Variants in GNB1L observed in about 807,000 individuals in gnomAD.
The protein encoded by GNB1L is guanine nucleotide-binding protein subunit beta-like protein 1.
GNB1L carries 20 observed loss-of-function variants against 29.1 expected under a neutral mutation model. That is an observed-to-expected ratio of 0.69 (90% CI 0.48 to 1.00). GNB1L has a LOEUF of 1.00. Ranked by LOEUF, GNB1L falls within the 50% of genes least tolerant of loss-of-function variation. The pLI is 0.00. For missense variants in GNB1L, 421 were observed against 464.9 expected (o/e 0.91, Z 0.87); for synonymous variants, 193 against 206.5 (o/e 0.93, Z 0.56).
rs1232323948 is a variant in GNB1L at position 19,784,136 on chromosome 22, T to C, written c.*4573A>G. 1.3e-5 allele frequency: 2 copies of C among 152,246 alleles called. No individual in the cohort carries two copies. The highest frequency in any genetic ancestry group is 3.8e-4 in the East Asian group (2 of 5,196). 9.4% of individuals were successfully genotyped at this position (152,246 alleles called of 1,614,324 possible). ...GATTTCACATGAAGTTCTAGCTAAT[T>C]GAGTATAAGCATTTCTAAAGAACCC... On this transcript the variant is annotated 3_prime_UTR_variant, in exon 8 of 8. Transcript: ENST00000329517.
intron 7 of GNB1L, among the ~76,000 whole-genome samples, chr22:19,800,984 C>T (rs997734208): frequency 3.9e-5 from 6 of 152,194 alleles, no homozygotes; most frequent in African/African-American, 1.4e-4. Context: ...GCTGGGGCTG[C>T]GGGCAAGTCT....
intron 2 of GNB1L, among the ~76,000 whole-genome samples, chr22:19,854,208 A>G (rs1190430122): frequency 6.6e-6 from 1 of 152,058 alleles, no homozygotes; most frequent in Non-Finnish European, 1.5e-5. Flanking sequence ...GGACAGCACT[A>G]TCCTAAAGGG....
intron 5 of GNB1L, among the ~76,000 whole-genome samples, chr22:19,811,895 G>A (rs1281318940): frequency 5.3e-5 from 8 of 152,064 alleles, no homozygotes; most frequent in Admixed American, 2.6e-4. Flanking sequence ...GCCCCGGAGC[G>A]TTCCTCCCAC....
intron 7 of GNB1L, among the ~76,000 whole-genome samples, chr22:19,800,294 G>GCCAGGAGGGCAGGA (rs1937354786): frequency 6.6e-6 from 1 of 152,214 alleles, no homozygotes; most frequent in Admixed American, 6.5e-5. Context: ...GCCCCTTCCT[G>GCCAGGAGGGCAGGA]GGGTCCTGGG....
Position 19,788,189 on chromosome 22 carries a change from A to G in GNB1L, c.*520T>C. 1 of 224,464 alleles carries G rather than the reference A, an allele frequency of 4.5e-6. No individual in the cohort carries two copies. Among genetic ancestry groups the G allele is most frequent in the Non-Finnish European group, 8.8e-6 (1 of 113,876 alleles). The allele number at this position is 224,464 out of a possible 1,614,324, so 13.9% of individuals were successfully genotyped here. A position where few individuals can be genotyped will look rare whatever the true frequency, so the allele number is the denominator to read the frequency against. The stretch of plus-strand genomic sequence containing the variant: ...TCCTGGCCTCAACCTGTGTGTTGGG[A>G]GCTCCTGGCCTCCTCGGGGTGAGGG... On this transcript the variant is annotated 3_prime_UTR_variant, in exon 8 of 8. Transcript: ENST00000329517.
At chr22:19,849,045 T>TCATCGGA in intron 2 of GNB1L, 3 of 985,330 alleles carry the variant, frequency 3.0e-6, no homozygotes, top group Non-Finnish European at 3.6e-6. Context: ...GGGGCCTGAG[T>TCATCGGA]CATCGGACGG....
chr22:19,822,144 G>A (rs899949861), intron 2 of GNB1L, among the ~76,000 whole-genome samples: 2 of 152,152 alleles, frequency 1.3e-5, no homozygotes, highest in African/African-American at 2.4e-5. Context: ...CCTATAAGGC[G>A]GCAGCACCCT....
chr22:19,805,383 A>G (rs1937421556), intron 6 of GNB1L, among the ~76,000 whole-genome samples: 1 of 152,236 alleles, frequency 6.6e-6, no homozygotes, highest in African/African-American at 2.4e-5. Flanking sequence ...CAAACTGCAC[A>G]GGCCCATCCG....
chr22:19,789,015 G>A (rs1427062019), intron 7 of GNB1L, 55 bp from the exon 8 acceptor site: 12 of 1,523,672 alleles, frequency 7.9e-6, no homozygotes. Context: ...AGGCAGTGCT[G>A]CCCCTGGTGC....
At chr22:19,820,403 G>T (rs2032494864) in intron 4 of GNB1L, among the ~76,000 whole-genome samples, 195 bp downstream of exon 4, 1 of 152,224 alleles carries the variant, frequency 6.6e-6, no homozygotes, top group Admixed American at 6.5e-5. Flanking sequence ...TGGTGGAGAT[G>T]CAGAGGCAGA....
chr22:19,849,384 T>TG (rs201071347), intron 2 of GNB1L: 100,303 of 819,356 alleles, frequency 0.12, 3,100 homozygotes, highest in Middle Eastern at 0.15. Context: ...TTTTTTTTTT[T>TG]TGGGATGGAG....
chr22:19,811,552 CCCTCCCTTGGCAGA>C (rs1477005390), intron 5 of GNB1L, among the ~76,000 whole-genome samples: 1 of 152,166 alleles, frequency 6.6e-6, no homozygotes, highest in African/African-American at 2.4e-5. Context: ...TCTTGGGCAC[CCCTCCCTTGGCAGA>C]CCCTGCCTCC....
chr22:19,799,650 G>A (rs530437308), intron 7 of GNB1L, among the ~76,000 whole-genome samples: 14 of 152,362 alleles, frequency 9.2e-5, no homozygotes, highest in Admixed American at 2.0e-4. Flanking sequence ...CAGAGGCTTC[G>A]GCAGGAGGGT....
intron 2 of GNB1L, chr22:19,847,910 C>A (rs990642077): frequency 3.2e-5 from 31 of 982,684 alleles, no homozygotes; most frequent in Non-Finnish European, 9.7e-6. Context: ...AAGAGTGAGG[C>A]ACATACATGG....
chr22:19,810,716 G>A (rs1221683739), intron 5 of GNB1L, among the ~76,000 whole-genome samples: 1 of 152,188 alleles, frequency 6.6e-6, no homozygotes, highest in Non-Finnish European at 1.5e-5. Context: ...GGGTGGGAGT[G>A]CGGCTCCCTG....
chr22:19,820,757 G>A (rs776308828), intron 3 of GNB1L, 34 bp from the exon 4 acceptor site: 29 of 1,593,472 alleles, frequency 1.8e-5, no homozygotes, highest in Non-Finnish European at 2.5e-5. Context: ...GTGTCAGGGG[G>A]CAGAAGGGTG....
Position 19,816,916 on chromosome 22 carries a change from C to T in GNB1L, c.254+3682G>A, listed in dbSNP as rs1404278487. Among the ~76,000 whole-genome samples the T allele has an allele frequency of 3.9e-5, 6 of 152,202 alleles. No homozygotes were observed. Among genetic ancestry groups the T allele is most frequent in the Non-Finnish European group, 8.8e-5 (6 of 68,046 alleles). ...CAACCCTGCTTCTTTGACTGCCTGG[C>T]ACCCCCTTCCCACCCCATCCAAGGG... On this transcript the variant is annotated intron_variant, in intron 4 of 7. Transcript: ENST00000329517. This position sits in a 1 kb window ranked among gnomAD's most constrained non-coding sequence, Gnocchi z 4.4.
chr22:19,854,354 G>GT (rs1938185374), intron 2 of GNB1L, 89 bp downstream of exon 2: 1 of 152,800 alleles, frequency 6.5e-6, no homozygotes, highest in Non-Finnish European at 1.5e-5. Flanking sequence ...AGCAAGCTGA[G>GT]TGCAGACGAC....
chr22:19,788,128 C>T lies in GNB1L; in HGVS notation c.*581G>A, dbSNP rs1381862954. 5 of 170,574 alleles carry T rather than the reference C, an allele frequency of 2.9e-5. No homozygotes were observed. The highest frequency in any genetic ancestry group is 1.7e-4 in the Admixed American group (3 of 17,374). The allele number at this position is 170,574 out of a possible 1,614,324, so 10.6% of individuals were successfully genotyped here. ...CCCTCACAGGCACCTTTCTCTGCTT[C>T]ACTCTTTAGGGAGTTCAGTTACTTC... On this transcript the variant is annotated 3_prime_UTR_variant, in exon 8 of 8. Coordinates refer to ENST00000329517, the MANE Select transcript of GNB1L (RefSeq NM_053004.3).
Sources: gnomAD v4.1 joint callset for allele counts (sites outside exome capture counted in the v4.1 genomes callset) on GRCh38, gnomAD v4.1.1 for gene constraint, Gnocchi (gnomAD v3.1) non-coding constraint, MANE v1.5 for transcripts, NCBI Gene and HGNC (gene_info 2026-07-23, HGNC 2026-07-21) for gene names.